The following NAMPT variants were observed in gnomAD, a reference collection of about 807,000 sequenced individuals.
NAMPT encodes nicotinamide phosphoribosyltransferase.
NAMPT carries 7 observed loss-of-function variants against 58.7 expected under a neutral mutation model. The ratio of observed to expected loss-of-function variants is 0.12; its 90% CI spans 0.07 to 0.22. The LOEUF is 0.22. NAMPT is among the 10% of genes least tolerant of loss of function. The pLI, the probability that NAMPT is intolerant of heterozygous loss-of-function variation, is 1.00. For missense variants in NAMPT, 271 were observed against 567.9 expected (o/e 0.48, Z 5.31); for synonymous variants, 145 against 198.1 (o/e 0.73, Z 2.25).
chr7:106,252,642 T>A (rs1366673367), intron 10 of NAMPT, among the ~76,000 whole-genome samples: 4 of 152,086 alleles, frequency 2.6e-5, no homozygotes, highest in African/African-American at 7.2e-5. Flanking sequence ...ATTTTTCTAG[T>A]TTGGTTGATT....
At chr7:106,268,694 T>A (rs1792474260) in intron 5 of NAMPT, 94 bp from the exon 6 acceptor site, 1 of 829,624 alleles carries the variant, frequency 1.2e-6, no homozygotes, top group Admixed American at 2.1e-5. Flanking sequence ...GAATATAGCA[T>A]AGCTCCCATA....
At chr7:106,267,635 A>G (rs1013020917) in intron 6 of NAMPT, among the ~76,000 whole-genome samples, 40 of 151,732 alleles carry the variant, frequency 2.6e-4, no homozygotes, top group Middle Eastern at 3.4e-3. Context: ...AGGTCAGGAG[A>G]TCGAGACCAT....
chr7:106,283,265 T>G (rs959172975), intron 1 of NAMPT, among the ~76,000 whole-genome samples: 1 of 152,124 alleles, frequency 6.6e-6, no homozygotes, highest in Admixed American at 6.5e-5. Flanking sequence ...CTCACTAGAT[T>G]AGAAACCTTT....
intron 4 of NAMPT, among the ~76,000 whole-genome samples, chr7:106,270,991 C>A (rs1230618942): frequency 1.3e-5 from 2 of 152,228 alleles, no homozygotes; most frequent in Non-Finnish European, 2.9e-5. Context: ...TGAAATTACT[C>A]TTTCAATTCC....
intron 6 of NAMPT, among the ~76,000 whole-genome samples, chr7:106,264,929 CAATG>C (rs1477435443): frequency 6.6e-6 from 1 of 151,556 alleles, no homozygotes. Flanking sequence ...CCCATACTGT[CAATG>C]GTATACCTGG....
At chr7:106,280,878 T>C (rs188972228) in intron 1 of NAMPT, among the ~76,000 whole-genome samples, 1 of 146,996 alleles carries the variant, frequency 6.8e-6, no homozygotes, top group Non-Finnish European at 1.5e-5. Context: ...GAGGTGGAGG[T>C]TGCCGTGAGC....
intron 8 of NAMPT, among the ~76,000 whole-genome samples, chr7:106,255,299 T>C (rs1792180979): frequency 6.6e-6 from 1 of 152,240 alleles, no homozygotes; most frequent in African/African-American, 2.4e-5. Context: ...ATTCAATCAC[T>C]TTGATGATAG....
chr7:106,267,467 G>A (rs924666904), intron 6 of NAMPT, among the ~76,000 whole-genome samples: 111 of 152,112 alleles, frequency 7.3e-4, no homozygotes, highest in Non-Finnish European at 2.2e-4. Context: ...TTAAGTATTA[G>A]CAGAACTTAA....
intron 6 of NAMPT, among the ~76,000 whole-genome samples, chr7:106,263,886 G>C (rs555490499): frequency 6.6e-6 from 1 of 152,190 alleles, no homozygotes; most frequent in Admixed American, 6.5e-5. Context: ...TTATCTGTGT[G>C]TGTGTGTGTT....
intron 4 of NAMPT, among the ~76,000 whole-genome samples, chr7:106,269,987 T>A (rs532258699): frequency 2.6e-5 from 4 of 152,224 alleles, no homozygotes; most frequent in Non-Finnish European, 5.9e-5. Context: ...GATAAAATAC[T>A]CACGTAAGTT....
intron 1 of NAMPT, among the ~76,000 whole-genome samples, chr7:106,282,543 C>G (rs1792787180): frequency 6.6e-6 from 1 of 152,162 alleles, no homozygotes; most frequent in African/African-American, 2.4e-5. Context: ...GAACCACAGT[C>G]GTCAGTGTCC....
At chr7:106,285,307 C>T (rs1319501), upstream of NAMPT, 415,827 of 548,140 alleles carry the variant, frequency 0.76, 158,965 homozygotes, top group East Asian at 1. Context: ...GCGCGTGACC[C>T]GGGCGCTTAC....
chr7:106,272,652 C>T lies in NAMPT; in HGVS notation c.325G>A (p.Asp109Asn). 1.2e-6 allele frequency: 2 copies of T among 1,612,894 alleles called. No individual in the cohort carries two copies. The highest frequency in any genetic ancestry group is 1.7e-6 in the Non-Finnish European group (2 of 1,179,232). The change falls in exon 4 of 11, where the codon GAT (aspartate) becomes AAT (asparagine). Residue 109 changes from aspartate (D) to asparagine (N), a missense_variant. Transcript: ENST00000222553. The stretch of plus-strand genomic sequence containing the variant: ...TTTATTTCTATTGGAAGATGCCCAT[C>T]ATACTTCTGGCAGGATAAAATGATA... Reference protein sequence around the residue: ...KGWNYILEKYDGHLPIEIKAV... With the variant: ...KGWNYILEKYNGHLPIEIKAV...
chr7:106,257,921 G>A lies in NAMPT; in HGVS notation c.1090-3417C>T, dbSNP rs533458880. Among the ~76,000 whole-genome samples, 344 of 152,224 alleles carry A rather than the reference G, an allele frequency of 2.3e-3. 1 individual carries two copies. Among genetic ancestry groups the A allele is most frequent in the African/African-American group, 7.8e-3 (324 of 41,556 alleles). ...TGTGTGTGTGTGTCTGTGTATACACGTAAGTGCTAAAGTGCCTGAAAGGCA... is the reference window on the plus strand; with the variant it reads ...TGTGTGTGTGTGTCTGTGTATACACATAAGTGCTAAAGTGCCTGAAAGGCA... On this transcript the variant is annotated intron_variant, in intron 8 of 10. Transcript: ENST00000222553.
At chr7:106,266,862 C>G (rs1272537678) in intron 6 of NAMPT, among the ~76,000 whole-genome samples, 1 of 152,150 alleles carries the variant, frequency 6.6e-6, no homozygotes, top group Non-Finnish European at 1.5e-5. Flanking sequence ...TTTGAAAATG[C>G]CTGATTTAGA....
chr7:106,269,239 T>G lies in NAMPT; in HGVS notation c.521A>C (p.Lys174Thr). Residue 174 changes from lysine (K) to threonine (T), a missense_variant, in exon 5 of 11, where the codon AAA becomes ACA. Coordinates refer to ENST00000222553, the MANE Select transcript of NAMPT (RefSeq NM_005746.3). ...NSREQKKILA[K>T]YLLETSGNLD... ...GTTACCAGAAGTTTCTAACAAATAT[T>G]TGGCCAATATTTTCTTCTGCTCTCT... 1 of 1,613,524 alleles carries G rather than the reference T, an allele frequency of 6.2e-7. No individual in the cohort carries two copies. The highest frequency in any genetic ancestry group is 8.5e-7 in the Non-Finnish European group (1 of 1,179,542).
upstream of NAMPT, chr7:106,285,164 G>A: frequency 8.0e-7 from 1 of 1,248,104 alleles, no homozygotes; most frequent in East Asian, 3.5e-5. Context: ...TCACCCTCCG[G>A]GGGCCGAGAA....
At chr7:106,251,983 TTC>T (rs982939973) in intron 10 of NAMPT, among the ~76,000 whole-genome samples, 3 of 150,916 alleles carry the variant, frequency 2.0e-5, no homozygotes, top group African/African-American at 7.4e-5. Context: ...TATCTAATAT[TTC>T]TGTCATTGTG....
In NAMPT at chr7:106,262,204, T is replaced by C. The variant is rs983561629; in HGVS notation, c.970-497A>G. ...AGGCAGACACAGCATCTAGAACCCA[T>C]AGTCTCTAAGTTCTCCTTTGCTCTT... On this transcript the variant is annotated intron_variant, in intron 7 of 10. Coordinates refer to ENST00000222553, the MANE Select transcript of NAMPT (RefSeq NM_005746.3). 1.3e-4 allele frequency among the ~76,000 whole-genome samples: 20 copies of C among 152,172 alleles called. No homozygotes were observed. In the East Asian group the frequency reaches 1.4e-3, roughly 10 times the overall value.
Sources: allele counts gnomAD v4.1 joint callset (sites outside exome capture counted in the v4.1 genomes callset), GRCh38; gene constraint gnomAD v4.1.1; transcripts MANE v1.5; gene names NCBI Gene and HGNC (gene_info 2026-07-23, HGNC 2026-07-21).